The following CA8 variants were observed in gnomAD, a reference collection of about 807,000 sequenced individuals.
CA8 encodes the protein carbonic anhydrase-related protein.
In CA8, 22 loss-of-function variants were observed where a neutral mutation model predicts 41.4. The observed-to-expected ratio is 0.53, with a 90% confidence interval of 0.38 to 0.76. The LOEUF (loss-of-function observed/expected upper bound fraction) is 0.76. CA8 is among the 30% of genes least tolerant of loss of function. CA8 has a pLI of 0.00. For synonymous variants in CA8, 121 were observed against 130.6 expected (o/e 0.93, Z 0.50); for missense variants, 270 against 352.8 (o/e 0.77, Z 1.88).
chr8:60,242,833 G>A (rs1192317301), intron 3 of CA8, among the ~76,000 whole-genome samples: 1 of 152,230 alleles, frequency 6.6e-6, no homozygotes, highest in Non-Finnish European at 1.5e-5. Flanking sequence ...CGACAGAAAG[G>A]TGGGCAGCAC....
intron 6 of CA8, among the ~76,000 whole-genome samples, chr8:60,223,997 A>G (rs1021108808): frequency 5.3e-5 from 8 of 152,254 alleles, no homozygotes; most frequent in African/African-American, 1.7e-4. Context: ...GTAACCTTAT[A>G]AAATTAGATA....
At chr8:60,260,196 G>A (rs1161534668) in intron 3 of CA8, among the ~76,000 whole-genome samples, 1 of 152,164 alleles carries the variant, frequency 6.6e-6, no homozygotes, top group African/African-American at 2.4e-5. Context: ...TTGTGGCCCT[G>A]AGCTAACCTC....
intron 4 of CA8, 114 bp downstream of exon 4, chr8:60,232,166 TTCTC>T (rs1301728275): frequency 2.3e-5 from 17 of 752,566 alleles, no homozygotes; most frequent in Middle Eastern, 2.3e-4. Context: ...TTATCAGGTG[TTCTC>T]TCTATGTGTG....
chr8:60,257,235 CCCAA>C (rs1466811804), intron 3 of CA8, among the ~76,000 whole-genome samples: 2 of 152,192 alleles, frequency 1.3e-5, no homozygotes, highest in Admixed American at 6.5e-5. Flanking sequence ...GCCTCAGCCT[CCCAA>C]AGTGCTGGGA....
intron 4 of CA8, among the ~76,000 whole-genome samples, chr8:60,231,369 C>T (rs1338823951): frequency 6.6e-6 from 1 of 152,052 alleles, no homozygotes; most frequent in African/African-American, 2.4e-5. Flanking sequence ...TGGCTACTTT[C>T]AAACATCAAT....
At chr8:60,274,377 GCAGA>G (rs1161453520) in intron 2 of CA8, among the ~76,000 whole-genome samples, 1 of 152,160 alleles carries the variant, frequency 6.6e-6, no homozygotes, top group African/African-American at 2.4e-5. Context: ...GTGCTGGAAA[GCAGA>G]CAAAGGTAGT....
intron 2 of CA8, among the ~76,000 whole-genome samples, chr8:60,270,392 A>G (rs941878000): frequency 6.6e-6 from 1 of 152,040 alleles, no homozygotes; most frequent in African/African-American, 2.4e-5. Context: ...TTCTTATTTT[A>G]TTTACTTACT....
chr8:60,256,752 A>C (rs1808653978), intron 3 of CA8, among the ~76,000 whole-genome samples: 1 of 152,234 alleles, frequency 6.6e-6, no homozygotes, highest in Non-Finnish European at 1.5e-5. Context: ...AAATACAGTG[A>C]TAAAACAAAT....
chr8:60,207,903 A>AG (rs1224355447), intron 8 of CA8, among the ~76,000 whole-genome samples: 1 of 152,144 alleles, frequency 6.6e-6, no homozygotes, highest in Non-Finnish European at 1.5e-5. Context: ...CTACAAGCGT[A>AG]TGCCACCACA....
intron 2 of CA8, among the ~76,000 whole-genome samples, chr8:60,270,603 A>G (rs1338282146): frequency 6.6e-6 from 1 of 152,060 alleles, no homozygotes; most frequent in Admixed American, 6.5e-5. Context: ...TTTACTAGAG[A>G]CGGGGTTTCA....
intron 3 of CA8, among the ~76,000 whole-genome samples, chr8:60,234,737 C>T (rs1484386759): frequency 6.6e-6 from 1 of 152,164 alleles, no homozygotes; most frequent in Non-Finnish European, 1.5e-5. Context: ...TCTTCAATAA[C>T]CACCTGAGTC....
chr8:60,270,937 T>C (rs1348004890), intron 2 of CA8, among the ~76,000 whole-genome samples: 1 of 152,142 alleles, frequency 6.6e-6, no homozygotes, highest in Non-Finnish European at 1.5e-5. Flanking sequence ...GTAGAGATCA[T>C]AACAATAGCA....
At chr8:60,215,504 A>T (rs1806989034) in intron 7 of CA8, among the ~76,000 whole-genome samples, 1 of 152,060 alleles carries the variant, frequency 6.6e-6, no homozygotes, top group Admixed American at 6.6e-5. Flanking sequence ...CTCACAAATC[A>T]CCACTAAAGA....
At chr8:60,205,487 T>C (rs1170169317) in intron 8 of CA8, among the ~76,000 whole-genome samples, 1 of 152,176 alleles carries the variant, frequency 6.6e-6, no homozygotes, top group Non-Finnish European at 1.5e-5. Context: ...CATTTGTTCA[T>C]TGTTATTAAA....
intron 3 of CA8, among the ~76,000 whole-genome samples, chr8:60,250,224 C>T (rs1004762938): frequency 6.6e-6 from 1 of 152,178 alleles, no homozygotes; most frequent in African/African-American, 2.4e-5. Flanking sequence ...TCAGCTGCTG[C>T]AATAAATCTC....
At chr8:60,216,255 C>G (rs1807017741) in intron 7 of CA8, among the ~76,000 whole-genome samples, 1 of 152,156 alleles carries the variant, frequency 6.6e-6, no homozygotes, top group East Asian at 1.9e-4. Flanking sequence ...TGAGCAGCAC[C>G]AAGTAAAACA....
intron 6 of CA8, among the ~76,000 whole-genome samples, chr8:60,223,952 G>A (rs929116204): frequency 2.0e-5 from 3 of 152,102 alleles, no homozygotes; most frequent in Non-Finnish European, 4.4e-5. Context: ...AAATACAAGT[G>A]GAATAATACA....
At chr8:60,257,744 A>C (rs1808691535) in intron 3 of CA8, among the ~76,000 whole-genome samples, 1 of 152,216 alleles carries the variant, frequency 6.6e-6, no homozygotes, top group South Asian at 2.1e-4. Flanking sequence ...GTGACTGGTT[A>C]TATCTAGCAC....
Position 60,266,181 on chromosome 8 carries a change from A to T in CA8, c.293-132T>A, listed in dbSNP as rs1803896315. 7.4e-6 allele frequency: 6 copies of T among 810,954 alleles called. 1 individual carries two copies. Among genetic ancestry groups the T allele is most frequent in the South Asian group, 5.5e-5 (3 of 54,360 alleles). The allele number at this position is 810,954 out of a possible 1,614,324, so 50.2% of individuals were successfully genotyped here. ...AGATTAAATTCACAAAGCCAAAATG[A>T]GAAATTTATCACAACTGTGAGGTGA... On this transcript the variant is annotated intron_variant, in intron 2 of 8. Coordinates refer to ENST00000317995, the MANE Select transcript of CA8 (RefSeq NM_004056.6).
Sources: gnomAD v4.1 joint callset for allele counts (sites outside exome capture counted in the v4.1 genomes callset) on GRCh38, gnomAD v4.1.1 for gene constraint, MANE v1.5 for transcripts, NCBI Gene and HGNC (gene_info 2026-07-23, HGNC 2026-07-21) for gene names.